The following PCDH15 variants were observed in gnomAD, a reference collection of about 807,000 sequenced individuals.
PCDH15 encodes the protein protocadherin related 15, also known as protocadherin-15.
Under a neutral mutation model 178.5 loss-of-function variants are expected in PCDH15, and 129 were observed. The observed-to-expected ratio is 0.72, with a 90% CI of 0.63 to 0.84. The LOEUF (loss-of-function observed/expected upper bound fraction) is 0.84. PCDH15 is among the 40% of genes least tolerant of loss of function. The pLI, the probability that PCDH15 is intolerant of heterozygous loss-of-function variation, is 0.00. For missense variants in PCDH15, 2,230 were observed against 2,099.9 expected (o/e 1.06, Z -1.21); for synonymous variants, 800 against 732.0 (o/e 1.09, Z -1.50).
chr10:54,048,038 ATTCCC>A (rs1469595233), intron 18 of PCDH15, among the ~76,000 whole-genome samples: 1 of 149,832 alleles, frequency 6.7e-6, no homozygotes, highest in East Asian at 1.9e-4. Flanking sequence ...GTGTATATGC[ATTCCC>A]TTTTTTCCAC....
chr10:55,255,401 CA>C (rs1841967886), intron 1 of PCDH15, among the ~76,000 whole-genome samples: 1 of 152,106 alleles, frequency 6.6e-6, no homozygotes, highest in African/African-American at 2.4e-5. Context: ...TGAATAGTGC[CA>C]CAATAAACAT....
At chr10:54,079,211 G>T (rs2094395664) in intron 17 of PCDH15, 120 bp downstream of exon 17, 1 of 976,484 alleles carries the variant, frequency 1.0e-6, no homozygotes, top group Non-Finnish European at 1.7e-6. Context: ...AACACTTCTA[G>T]TAATTATAAG....
intron 3 of PCDH15, among the ~76,000 whole-genome samples, chr10:54,429,679 G>A (rs1214933328): frequency 6.6e-6 from 1 of 152,086 alleles, no homozygotes; most frequent in Non-Finnish European, 1.5e-5. Flanking sequence ...AAGAGCAGGA[G>A]TATCTATACT....
At chr10:55,361,232 G>A (rs1298613922) in intron 2 of PCDH15, among the ~76,000 whole-genome samples, 1 of 152,038 alleles carries the variant, frequency 6.6e-6, no homozygotes, top group Non-Finnish European at 1.5e-5. Context: ...GCCCAAGTAT[G>A]TGCTTCAGAA....
chr10:54,936,190 A>G (rs1837903196), intron 2 of PCDH15, among the ~76,000 whole-genome samples: 1 of 152,006 alleles, frequency 6.6e-6, no homozygotes, highest in Non-Finnish European at 1.5e-5. Context: ...AATATTTTCA[A>G]TATTTATCCA....
At chr10:55,500,627 T>C (rs1368267123) in intron 2 of PCDH15, among the ~76,000 whole-genome samples, 3 of 151,814 alleles carry the variant, frequency 2.0e-5, no homozygotes, top group Non-Finnish European at 2.9e-5. Context: ...TGCTGGTCTA[T>C]TGATCTCACA....
chr10:53,831,834 TAAC>T (rs1347662773), intron 29 of PCDH15, among the ~76,000 whole-genome samples: 1 of 152,116 alleles, frequency 6.6e-6, no homozygotes. Flanking sequence ...CAAAATAATT[TAAC>T]AACATTTTAG....
intron 2 of PCDH15, among the ~76,000 whole-genome samples, chr10:55,549,455 A>G (rs1841960836): frequency 6.6e-6 from 1 of 152,144 alleles, no homozygotes; most frequent in African/African-American, 2.4e-5. Context: ...TTTTCTTTTT[A>G]ACAAGGCTCT....
chr10:55,034,023 A>C (rs563010146), intron 2 of PCDH15, among the ~76,000 whole-genome samples: 3 of 152,026 alleles, frequency 2.0e-5, no homozygotes, highest in South Asian at 2.1e-4. Flanking sequence ...CTTACCAGAC[A>C]AACAAACCTG....
intron 18 of PCDH15, among the ~76,000 whole-genome samples, chr10:54,044,959 T>G (rs1158966246): frequency 6.6e-6 from 1 of 152,246 alleles, no homozygotes; most frequent in Admixed American, 6.5e-5. Context: ...GAAGTTCATC[T>G]CATGGCAAAG....
chr10:53,816,905 G>GTATT (rs1393736191), intron 34 of PCDH15, among the ~76,000 whole-genome samples: 1 of 152,084 alleles, frequency 6.6e-6, no homozygotes, highest in African/African-American at 2.4e-5. Flanking sequence ...TCTTTCACTT[G>GTATT]TATTTATTTA....
intron 1 of PCDH15, among the ~76,000 whole-genome samples, chr10:55,182,589 T>C (rs1839680595): frequency 6.6e-6 from 1 of 151,988 alleles, no homozygotes; most frequent in Admixed American, 6.6e-5. Flanking sequence ...TTAGATTAAA[T>C]GAATTGGTAT....
chr10:54,458,626 G>A (rs527591110), intron 3 of PCDH15, among the ~76,000 whole-genome samples: 2 of 152,050 alleles, frequency 1.3e-5, no homozygotes, highest in Middle Eastern at 3.4e-3. Flanking sequence ...ATCTATCATA[G>A]CTTATGTTTT....
At chr10:54,865,753 G>A (rs754310265) in intron 3 of PCDH15, among the ~76,000 whole-genome samples, 6 of 151,822 alleles carry the variant, frequency 4.0e-5, no homozygotes, top group Non-Finnish European at 5.9e-5. Flanking sequence ...GCATATGAGA[G>A]AACAATAAAT....
intron 3 of PCDH15, among the ~76,000 whole-genome samples, chr10:54,379,516 T>A (rs1948912928): frequency 6.6e-6 from 1 of 152,138 alleles, no homozygotes; most frequent in African/African-American, 2.4e-5. Context: ...TTAAGACATG[T>A]CTGGGTTACT....
intron 3 of PCDH15, among the ~76,000 whole-genome samples, chr10:54,846,905 C>T (rs552690458): frequency 2.6e-5 from 4 of 152,068 alleles, no homozygotes; most frequent in African/African-American, 7.2e-5. Flanking sequence ...CATTTGAGTA[C>T]GATATAAGGT....
intron 6 of PCDH15, among the ~76,000 whole-genome samples, chr10:54,339,890 C>A (rs1290646023): frequency 6.6e-6 from 1 of 152,090 alleles, no homozygotes; most frequent in Non-Finnish European, 1.5e-5. Context: ...GATGTTTCCT[C>A]CTAGTAATTT....
At chr10:54,593,091 G>T (rs2091982898) in intron 2 of PCDH15, among the ~76,000 whole-genome samples, 1 of 151,994 alleles carries the variant, frequency 6.6e-6, no homozygotes, top group Non-Finnish European at 1.5e-5. Context: ...CCTTTTATCA[G>T]ATATACAGTT....
intron 5 of PCDH15, among the ~76,000 whole-genome samples, chr10:54,367,017 G>T (rs1390413813): frequency 1.3e-5 from 2 of 151,978 alleles, no homozygotes; most frequent in African/African-American, 4.8e-5. Flanking sequence ...TGAAGAAATT[G>T]AAGATCAATA....
Sources: gnomAD v4.1 joint callset for allele counts (sites outside exome capture counted in the v4.1 genomes callset) on GRCh38, gnomAD v4.1.1 for gene constraint, MANE v1.5 for transcripts, NCBI Gene and HGNC (gene_info 2026-07-23, HGNC 2026-07-21) for gene names.